The following PDXDC1 variants were observed in gnomAD, a reference collection of about 807,000 sequenced individuals.
PDXDC1 encodes pyridoxal-dependent decarboxylase domain-containing protein 1.
A neutral mutation model predicts 100.1 loss-of-function variants in PDXDC1; 42 were observed. The observed-to-expected ratio is 0.42, with a 90% confidence interval of 0.33 to 0.54. The LOEUF (loss-of-function observed/expected upper bound fraction) is 0.54. Ranked by LOEUF, PDXDC1 falls within the 20% of genes least tolerant of loss-of-function variation. PDXDC1 has a pLI of 0.10. For synonymous variants in PDXDC1, 260 were observed against 371.7 expected, an observed-to-expected ratio of 0.70 and a Z score of 3.46; for missense variants, 636 against 979.2, an observed-to-expected ratio of 0.65 and a Z score of 4.68.
intron 16 of PDXDC1, chr16:15,074,769 C>T (rs764903237): frequency 6.2e-7 from 1 of 1,614,040 alleles, no homozygotes; most frequent in Non-Finnish European, 8.5e-7. Context: ...CCAAAGACAT[C>T]AGGATGTCCA....
At chr16:15,044,253 C>A (rs2043952107) in intron 16 of PDXDC1, 3 of 931,720 alleles carry the variant, frequency 3.2e-6, no homozygotes, top group South Asian at 1.4e-5. Flanking sequence ...GGGTTTTGTA[C>A]CAATTGGGAT....
intron 16 of PDXDC1, chr16:15,127,401 C>A (rs536910813): frequency 1.6e-6 from 2 of 1,277,952 alleles, no homozygotes; most frequent in Admixed American, 2.0e-5. Context: ...TGGAAAGTGG[C>A]GGCTCTGGGC....
chr16:15,123,007 GAGA>G (rs1279285194), intron 16 of PDXDC1, among the ~76,000 whole-genome samples: 1 of 150,926 alleles, frequency 6.6e-6, no homozygotes, highest in African/African-American at 2.4e-5. Flanking sequence ...ACAGGTCACG[GAGA>G]AGATCAGGGA....
chr16:15,022,546 T>G (rs1422284197), intron 12 of PDXDC1, among the ~76,000 whole-genome samples, 158 bp from the exon 13 acceptor site: 1 of 152,308 alleles, frequency 6.6e-6, no homozygotes, highest in African/African-American at 2.4e-5. Context: ...TTTACAGTTG[T>G]TGAAATACAA....
At chr16:15,063,842 C>A (rs906681175) in intron 16 of PDXDC1, among the ~76,000 whole-genome samples, 53 of 152,012 alleles carry the variant, frequency 3.5e-4, no homozygotes, top group African/African-American at 1.3e-3. Flanking sequence ...TTTCATCTTT[C>A]CATTTTCATG....
intron 16 of PDXDC1, among the ~76,000 whole-genome samples, chr16:15,132,467 G>C (rs532245206): frequency 1.3e-5 from 2 of 148,164 alleles, no homozygotes; most frequent in East Asian, 2.0e-4. Context: ...GCACAGAACA[G>C]CATCTTCTTA....
At chr16:14,974,851 G>T (rs1478196218), upstream of PDXDC1, 5 of 1,535,642 alleles carry the variant, frequency 3.3e-6, no homozygotes, top group South Asian at 1.2e-5. Context: ...ATAGTACTTT[G>T]TGATTATTAT....
At chr16:15,018,388 G>A (rs1449287811) in intron 11 of PDXDC1, among the ~76,000 whole-genome samples, 5 of 152,244 alleles carry the variant, frequency 3.3e-5, no homozygotes, top group Admixed American at 6.5e-5. Flanking sequence ...CAGCCTGGGC[G>A]ACAGAATGAA....
chr16:15,132,359 AGGGGCAAGGGGAGGG>A (rs2048135167), intron 16 of PDXDC1, among the ~76,000 whole-genome samples: 2 of 10,018 alleles, frequency 2.0e-4, no homozygotes, highest in African/African-American at 2.6e-4. Flanking sequence ...GGGAGGGGGG[AGGGGCAAGGGGAGGG>A]AGGGGGAGGG....
chr16:15,055,856 G>A (rs1292631070), intron 16 of PDXDC1: 4 of 1,150,470 alleles, frequency 3.5e-6, no homozygotes, highest in South Asian at 8.7e-5. Flanking sequence ...TTCCCCTCGG[G>A]CCCGCCCCGA....
intron 16 of PDXDC1, among the ~76,000 whole-genome samples, chr16:15,069,238 T>C (rs996787325): frequency 9.9e-5 from 15 of 152,104 alleles, no homozygotes; most frequent in African/African-American, 3.6e-4. Context: ...GGTCGGGGAC[T>C]GCTGTTGGCA....
intron 16 of PDXDC1, among the ~76,000 whole-genome samples, chr16:15,030,579 T>C (rs1415907442): frequency 2.3e-5 from 3 of 132,348 alleles, no homozygotes; most frequent in Admixed American, 8.1e-5. Flanking sequence ...AGTCATCACA[T>C]GAATTCCTTT....
Position 15,036,410 on chromosome 16 carries a change from G to A in PDXDC1, c.*135G>A. The A allele has an allele frequency of 1.2e-6, 1 of 861,848 alleles. No homozygotes were observed. The highest frequency in any genetic ancestry group is 1.8e-5 in the South Asian group (1 of 56,696). 53.4% of individuals were successfully genotyped at this position (861,848 alleles called of 1,614,324 possible). On this transcript the variant is annotated 3_prime_UTR_variant, in exon 23 of 23. Transcript: ENST00000396410. ...TTCACTGGGATTTTGGCACAAATAT[G>A]TGCCTGAAAGGTAGGCTTTCTAGGA...
chr16:15,035,845 G>A (rs961746064), intron 22 of PDXDC1, among the ~76,000 whole-genome samples, 171 bp from the exon 23 acceptor site: 1 of 152,158 alleles, frequency 6.6e-6, no homozygotes, highest in Non-Finnish European at 1.5e-5. Context: ...GAGCATGTTG[G>A]TGTCAAGCTA....
At chr16:15,004,422 C>T (rs1973840462) in intron 5 of PDXDC1, 89 bp downstream of exon 5, 1 of 1,503,260 alleles carries the variant, frequency 6.7e-7, no homozygotes, top group Admixed American at 2.0e-5. Context: ...TACTTGGGTT[C>T]AGATTTCCTT....
intron 1 of PDXDC1, 193 bp downstream of exon 1, chr16:14,975,413 G>A: frequency 2.0e-6 from 2 of 985,278 alleles, no homozygotes; most frequent in Non-Finnish European, 1.2e-6. Flanking sequence ...TGTCTCTTGG[G>A]TCCCCGTGGG....
chr16:15,130,023 CCAGGCACA>C, intron 16 of PDXDC1: 1 of 1,016,900 alleles, frequency 9.8e-7, no homozygotes, highest in South Asian at 1.3e-5. Flanking sequence ...ATGTAGGTCA[CCAGGCACA>C]CAGCACATGT....
chr16:15,080,184 A>G (rs2045640252), intron 16 of PDXDC1: 3 of 1,458,296 alleles, frequency 2.1e-6, no homozygotes, highest in Admixed American at 3.1e-5. Context: ...CATGACCTTT[A>G]GTTTCAAATA....
chr16:14,981,985 C>T (rs1156416568), intron 1 of PDXDC1, among the ~76,000 whole-genome samples: 5 of 152,252 alleles, frequency 3.3e-5, no homozygotes, highest in Admixed American at 6.5e-5. Flanking sequence ...CCCACCACCG[C>T]GCCCAGCTAA....
Sources: allele counts gnomAD v4.1 joint callset (sites outside exome capture counted in the v4.1 genomes callset), GRCh38; gene constraint gnomAD v4.1.1; transcripts MANE v1.5; gene names NCBI Gene and HGNC (gene_info 2026-07-23, HGNC 2026-07-21).